The following CNTN4 variants were observed in gnomAD, a reference collection of about 807,000 sequenced individuals.
The protein encoded by CNTN4 is contactin-4.
In CNTN4, 77 loss-of-function variants were observed where a neutral mutation model predicts 122.5. The ratio of observed to expected loss-of-function variants is 0.63; its 90% confidence interval spans 0.52 to 0.76. The LOEUF (loss-of-function observed/expected upper bound fraction) is 0.76, where lower values mean the gene tolerates loss of function less well. Among genes scored for constraint, CNTN4 ranks in the 30% least tolerant of loss-of-function variants. The pLI, the probability that CNTN4 is intolerant of heterozygous loss-of-function variation, is 0.00. For missense variants in CNTN4, 1,256 were observed against 1,259.1 expected (o/e 1.00, Z 0.04); for synonymous variants, 512 against 447.0 (o/e 1.15, Z -1.83).
chr3:2,693,786 A>G (rs948440042), intron 4 of CNTN4, among the ~76,000 whole-genome samples: 12 of 152,194 alleles, frequency 7.9e-5, no homozygotes, highest in African/African-American at 2.4e-4. Flanking sequence ...TCTCAAGAAT[A>G]CTAGGAAACA....
At chr3:2,240,603 ATAGT>A (rs1439797789) in intron 2 of CNTN4, among the ~76,000 whole-genome samples, 1 of 152,118 alleles carries the variant, frequency 6.6e-6, no homozygotes, top group African/African-American at 2.4e-5. Flanking sequence ...TAGGTGAACA[ATAGT>A]TAGACAGTGT....
chr3:2,349,489 A>G (rs1396716122), intron 3 of CNTN4, among the ~76,000 whole-genome samples: 1 of 152,198 alleles, frequency 6.6e-6, no homozygotes, highest in East Asian at 1.9e-4. Context: ...ATCCTCTTTA[A>G]AAGTGGTCTC....
chr3:2,600,356 G>A (rs374801653), intron 4 of CNTN4, among the ~76,000 whole-genome samples: 3 of 151,522 alleles, frequency 2.0e-5, no homozygotes, highest in South Asian at 2.1e-4. Flanking sequence ...TTCCCCTCCC[G>A]CACCCCACAA....
At chr3:2,919,261 A>G (rs1052542803) in intron 12 of CNTN4, among the ~76,000 whole-genome samples, 1 of 150,666 alleles carries the variant, frequency 6.6e-6, no homozygotes, top group Non-Finnish European at 1.5e-5. Context: ...CTGAGGCAGG[A>G]GAATCACTTG....
chr3:2,279,540 G>A (rs1382043637), intron 2 of CNTN4, among the ~76,000 whole-genome samples: 3 of 152,128 alleles, frequency 2.0e-5, no homozygotes, highest in Admixed American at 1.3e-4. Flanking sequence ...ACAAGTCACT[G>A]TCTGGAAAAA....
At chr3:2,763,661 T>C (rs946612574) in intron 6 of CNTN4, among the ~76,000 whole-genome samples, 3 of 152,184 alleles carry the variant, frequency 2.0e-5, no homozygotes, top group African/African-American at 7.2e-5. Flanking sequence ...TTTTTGTGTA[T>C]GGTATAAGAA....
At chr3:2,917,928 G>C (rs2094387204) in intron 12 of CNTN4, among the ~76,000 whole-genome samples, 1 of 151,454 alleles carries the variant, frequency 6.6e-6, no homozygotes, top group Admixed American at 6.6e-5. Context: ...AACAGAAGAA[G>C]AGCATTGGCA....
chr3:2,747,276 G>A (rs963929563), intron 6 of CNTN4, among the ~76,000 whole-genome samples: 1 of 149,622 alleles, frequency 6.7e-6, no homozygotes, highest in Admixed American at 6.6e-5. Context: ...GGGCGCAGTG[G>A]CAGGTGCCTG....
At chr3:2,728,681 C>G (rs987577904) in intron 4 of CNTN4, among the ~76,000 whole-genome samples, 1 of 152,242 alleles carries the variant, frequency 6.6e-6, no homozygotes, top group Non-Finnish European at 1.5e-5. Flanking sequence ...TCTGTGCATG[C>G]ATAACGCAAA....
intron 13 of CNTN4, among the ~76,000 whole-genome samples, chr3:2,974,365 A>G (rs1693218663): frequency 1.3e-5 from 2 of 152,326 alleles, no homozygotes; most frequent in South Asian, 4.1e-4. Flanking sequence ...TAATAACAGA[A>G]ATGATCTTTG....
intron 2 of CNTN4, among the ~76,000 whole-genome samples, chr3:2,134,287 A>T (rs935209697): frequency 6.6e-6 from 1 of 152,208 alleles, no homozygotes; most frequent in East Asian, 1.9e-4. Context: ...GGTTTATTAA[A>T]TCAGAATCTC....
chr3:2,489,088 A>G lies in CNTN4; in HGVS notation c.-88-82328A>G, dbSNP rs188439997. Among the ~76,000 whole-genome samples, 524 of 152,212 alleles carry G rather than the reference A, an allele frequency of 3.4e-3. 18 individuals are homozygous for G. The highest frequency in any genetic ancestry group is 0.033 in the Admixed American group (498 of 15,286). ...TTTTTTCTGTGAGTTTTTAATGTTG[A>G]AATATTTTCCACATTAGCATGTATT... is the stretch of plus-strand genomic sequence containing the variant. On this transcript the variant is annotated intron_variant, in intron 3 of 24. Coordinates refer to ENST00000418658, the MANE Select transcript of CNTN4 (RefSeq NM_175607.3).
chr3:2,808,466 A>G (rs1455800790), intron 6 of CNTN4, among the ~76,000 whole-genome samples: 6 of 152,204 alleles, frequency 3.9e-5, no homozygotes, highest in Admixed American at 3.3e-4. Context: ...AAAATGAAGA[A>G]TCATATTTCT....
chr3:2,668,015 T>A (rs2084273992), intron 4 of CNTN4, among the ~76,000 whole-genome samples: 1 of 152,168 alleles, frequency 6.6e-6, no homozygotes. Flanking sequence ...TAGTTTGAAG[T>A]CAGGTAACAT....
intron 3 of CNTN4, among the ~76,000 whole-genome samples, chr3:2,348,229 C>G (rs746337862): frequency 5.4e-5 from 8 of 148,522 alleles, no homozygotes; most frequent in Non-Finnish European, 9.1e-5. Flanking sequence ...TAAATTAGAT[C>G]ATATACTTAA....
chr3:2,841,417 A>G lies in CNTN4; in HGVS notation c.454+21836A>G, dbSNP rs968190984. Among the ~76,000 whole-genome samples, 13 of 152,202 alleles carry G rather than the reference A, an allele frequency of 8.5e-5. No individual in the cohort carries two copies. On this transcript the variant is annotated intron_variant, in intron 7 of 24. Coordinates refer to ENST00000418658, the MANE Select transcript of CNTN4 (RefSeq NM_175607.3). The surrounding 1 kb of genome is among the most constrained non-coding windows in gnomAD (Gnocchi z 4.8). ...CAACTGAGAAAAGGTAATGTGGTACATTTACAAATAAAAGAGGATTAGGAT... is the reference window on the plus strand; with the variant it reads ...CAACTGAGAAAAGGTAATGTGGTACGTTTACAAATAAAAGAGGATTAGGAT...
rs1318935561 is a variant in CNTN4, at chr3:2,384,431, T to A, written c.-89+45198T>A. 2.6e-5 allele frequency among the ~76,000 whole-genome samples: 4 copies of A among 152,162 alleles called. No individual in the cohort carries two copies. In the South Asian group the frequency reaches 6.2e-4, roughly 24 times the overall value. ...CAGCACATAAATCCGCCTGTTAGAT[T>A]AAATTGTGGGGAAAAAGCAAGGGAA... On this transcript the variant is annotated intron_variant, in intron 3 of 24. Coordinates refer to ENST00000418658, the MANE Select transcript of CNTN4 (RefSeq NM_175607.3).
chr3:2,305,548 C>T (rs1248192428), intron 2 of CNTN4, among the ~76,000 whole-genome samples: 1 of 152,080 alleles, frequency 6.6e-6, no homozygotes, highest in Non-Finnish European at 1.5e-5. Context: ...ATCTTAGATT[C>T]TTCTTGAATA....
At chr3:2,333,319 C>T (rs1008406110) in intron 2 of CNTN4, among the ~76,000 whole-genome samples, 5 of 152,206 alleles carry the variant, frequency 3.3e-5, no homozygotes, top group African/African-American at 1.2e-4. Context: ...CCTGTGTCAC[C>T]TTGATAGGAA....
Sources: allele counts gnomAD v4.1 joint callset (sites outside exome capture counted in the v4.1 genomes callset), GRCh38; gene constraint gnomAD v4.1.1; non-coding constraint Gnocchi (gnomAD v3.1); transcripts MANE v1.5; gene names NCBI Gene and HGNC (gene_info 2026-07-23, HGNC 2026-07-21).